The following DSG2 variants were observed in gnomAD, a reference collection of about 807,000 sequenced individuals.
The protein encoded by DSG2 is desmoglein-2.
In DSG2, 45 loss-of-function variants were observed where a neutral mutation model predicts 75.6. The observed-to-expected ratio is 0.60, with a 90% CI of 0.47 to 0.76. DSG2 has a LOEUF of 0.76. Ranked by LOEUF, DSG2 falls within the 30% of genes least tolerant of loss-of-function variation. The probability of loss-of-function intolerance (pLI) is 0.00; values close to 1 mark genes in which losing one functional copy is unlikely to be tolerated. For missense variants in DSG2, 1,267 were observed against 1,357.4 expected (o/e 0.93, Z 1.05); for synonymous variants, 429 against 483.9 (o/e 0.89, Z 1.49).
chr18:31,545,989 A>G lies in DSG2; in HGVS notation c.2603A>G (p.His868Arg). The change falls in exon 15 of 15, where the codon CAT becomes CGT. Residue 868 changes from histidine (H) to arginine (R), a missense_variant. His to Arg is a conservative substitution (Grantham distance 29, BLOSUM62 0). Coordinates refer to ENST00000261590, the MANE Select transcript of DSG2 (RefSeq NM_001943.5). The part of the protein sequence containing the change: ...ATETSMNTAS[H>R]SLCEQTMVNS... ...GAAACAAGTATGAACACAGCTTCACATTCACTCTGTGAGCAAACTATGGTT... is the reference window on the plus strand; with the variant it reads ...GAAACAAGTATGAACACAGCTTCACGTTCACTCTGTGAGCAAACTATGGTT... 1 of 1,614,212 alleles carries G rather than the reference A, an allele frequency of 6.2e-7. No individual in the cohort carries two copies. Among genetic ancestry groups the G allele is most frequent in the Non-Finnish European group, 8.5e-7 (1 of 1,180,042 alleles).
At position 31,530,503 on chromosome 18, in the gene DSG2, A is replaced by T. The variant is rs147089429; in HGVS notation, c.1015-484A>T. ...CATGATCATGGCTCACTGCAGCCTC[A>T]ACCCTCTGGGCTCAAGCAATCCTCC... On this transcript the variant is annotated intron_variant, in intron 8 of 14. Transcript: ENST00000261590. 5.5e-3 allele frequency among the ~76,000 whole-genome samples: 834 copies of T among 152,164 alleles called. 5 individuals are homozygous for T. The highest frequency in any genetic ancestry group is 7.8e-3 in the Non-Finnish European group (529 of 67,992).
In DSG2 at chr18:31,524,830, G is replaced by A. The variant is rs1393540525; in HGVS notation, c.956G>A (p.Gly319Asp). 6.2e-7 allele frequency: 1 copy of A among 1,614,142 alleles called. No homozygotes were observed. Among genetic ancestry groups the A allele is most frequent in the Admixed American group, 1.7e-5 (1 of 60,014 alleles). Residue 319 changes from glycine to aspartate, a missense_variant, in exon 8 of 15, where the codon GGT (glycine) becomes GAT (aspartate). Physicochemically the swap from Gly to Asp is moderately conservative, Grantham distance 94. Transcript: ENST00000261590. ...NFTFASGNEG[G>D]YFHIETDAQT... ...ACATTTGCATCAGGAAATGAAGGAGGTTATTTCCACATAGAAACAGATGCT... is the reference window on the plus strand; with the variant it reads ...ACATTTGCATCAGGAAATGAAGGAGATTATTTCCACATAGAAACAGATGCT...
intron 8 of DSG2, among the ~76,000 whole-genome samples, chr18:31,527,637 G>T (rs952802918): frequency 6.6e-6 from 1 of 152,188 alleles, no homozygotes; most frequent in Non-Finnish European, 1.5e-5. Flanking sequence ...ACGTGAAAAG[G>T]TGCCAACATC....
At position 31,541,287 on chromosome 18, in the gene DSG2, T is replaced by C. The variant is rs778751829; in HGVS notation, c.1974T>C (p.Asn658=). 9 of 1,614,146 alleles carry C rather than the reference T, an allele frequency of 5.6e-6. No individual in the cohort carries two copies. The highest frequency in any genetic ancestry group is 7.6e-6 in the Non-Finnish European group (9 of 1,179,988). Residue 658 remains asparagine (N), a synonymous_variant, in exon 13 of 15, where the codon AAT becomes AAC. Coordinates refer to ENST00000261590, the MANE Select transcript of DSG2 (RefSeq NM_001943.5). ...CCATAGAGATGCTGCATCCTTGGAA[T>C]AATGAAGGAGCACCACCTGAAGACA... The part of the protein sequence containing the change: ...PGTIEMLHPW[N]NEGAPPEDKV...
At chr18:31,537,388 G>A (rs577538921) in intron 11 of DSG2, among the ~76,000 whole-genome samples, 1 of 152,356 alleles carries the variant, frequency 6.6e-6, no homozygotes, top group African/African-American at 2.4e-5. Context: ...GGGAGGCCAA[G>A]GCAGGCGGAT....
At chr18:31,498,791 T>G (rs1335574503) in intron 1 of DSG2, among the ~76,000 whole-genome samples, 2 of 152,122 alleles carry the variant, frequency 1.3e-5, no homozygotes, top group African/African-American at 4.8e-5. Context: ...ATTCTTAGAG[T>G]GCAAAAAGTT....
At chr18:31,532,234 G>A (rs769083668) in intron 9 of DSG2, among the ~76,000 whole-genome samples, 1 of 152,174 alleles carries the variant, frequency 6.6e-6, no homozygotes, top group Non-Finnish European at 1.5e-5. Flanking sequence ...GAGTCTTGCT[G>A]TCTGCTTCCA....
chr18:31,504,638 G>C (rs986144037), intron 1 of DSG2, among the ~76,000 whole-genome samples: 3 of 152,162 alleles, frequency 2.0e-5, no homozygotes, highest in African/African-American at 7.2e-5. Flanking sequence ...GTGGCCAAGA[G>C]GGTGCTGCCC....
intron 1 of DSG2, among the ~76,000 whole-genome samples, chr18:31,514,483 A>G (rs1180977655): frequency 6.6e-6 from 1 of 152,236 alleles, no homozygotes; most frequent in East Asian, 1.9e-4. Flanking sequence ...AGATACTAGC[A>G]GTCAAGAGTA....
rs749797415 is a variant in DSG2, at chr18:31,535,287, A to G, written c.1298A>G (p.Asp433Gly). ...TATGACAGATATGTAAAATTAGAAG[A>G]TAGAGATAATTGGATCTCTGTGGAT... is the stretch of plus-strand genomic sequence containing the variant. ...PAHARYVKLEDRDNWISVDSV... is the reference protein window; with the variant it reads ...PAHARYVKLEGRDNWISVDSV... Residue 433 changes from aspartate (D) to glycine (G), a missense_variant, in exon 10 of 15, where the codon GAT becomes GGT. By Grantham distance (94) the Asp-to-Gly change is moderately conservative (BLOSUM62 -1). Coordinates refer to ENST00000261590, the MANE Select transcript of DSG2 (RefSeq NM_001943.5). 3.1e-6 allele frequency: 5 copies of G among 1,591,052 alleles called. No homozygotes were observed. The Admixed American group carries it at 8.4e-5, about 27-fold the overall frequency.
intron 1 of DSG2, among the ~76,000 whole-genome samples, chr18:31,501,464 A>T (rs958038435): frequency 6.6e-6 from 1 of 152,214 alleles, no homozygotes; most frequent in African/African-American, 2.4e-5. Flanking sequence ...AAAATGTATG[A>T]TCTCACAGTT....
In DSG2 at chr18:31,546,389, T is replaced by C. The variant is rs751143703; in HGVS notation, c.3003T>C (p.Pro1001=). ...VIQPHGGGSN[P]LEGTQHLQDV... ...AGCCTCATGGGGGTGGATCGAATCC[T>C]CTGGAAGGCACTCAGCATCTTCAAG... The change falls in exon 15 of 15, where the codon CCT becomes CCC. Residue 1001 remains proline (P), a synonymous_variant. Transcript: ENST00000261590. 2 of 1,614,132 alleles carry C rather than the reference T, an allele frequency of 1.2e-6. No individual in the cohort carries two copies. Among genetic ancestry groups the C allele is most frequent in the Non-Finnish European group, 1.7e-6 (2 of 1,180,006 alleles).
At chr18:31,523,746 C>T (rs2144320787) in intron 6 of DSG2, among the ~76,000 whole-genome samples, 1 of 152,302 alleles carries the variant, frequency 6.6e-6, no homozygotes, top group Admixed American at 6.5e-5. Context: ...CCTCATCTTA[C>T]ACATAAAGAA....
intron 1 of DSG2, among the ~76,000 whole-genome samples, chr18:31,511,914 G>A (rs2073069355): frequency 6.6e-6 from 1 of 152,116 alleles, no homozygotes; most frequent in South Asian, 2.1e-4. Flanking sequence ...CCAATTCACA[G>A]CAGATTAGCC....
chr18:31,535,755 G>A (rs1308585344), intron 10 of DSG2, among the ~76,000 whole-genome samples: 1 of 149,594 alleles, frequency 6.7e-6, no homozygotes, highest in Non-Finnish European at 1.5e-5. Flanking sequence ...CAGACAAAGG[G>A]AGACTCCAAC....
At chr18:31,539,907 T>C (rs1438876783) in intron 12 of DSG2, among the ~76,000 whole-genome samples, 1 of 152,136 alleles carries the variant, frequency 6.6e-6, no homozygotes, top group African/African-American at 2.4e-5. Flanking sequence ...CATTCGATTC[T>C]TATAGGAGCT....
chr18:31,517,520 T>C (rs1045306995), intron 1 of DSG2, among the ~76,000 whole-genome samples: 3 of 152,234 alleles, frequency 2.0e-5, no homozygotes, highest in Admixed American at 2.0e-4. Context: ...TTACAAATTA[T>C]ATGAATGTAT....
Position 31,547,467 on chromosome 18 carries a change from A to G in DSG2, c.*724A>G. 1 of 152,642 alleles carries G rather than the reference A, an allele frequency of 6.6e-6. No homozygotes were observed. The highest frequency in any genetic ancestry group is 1.5e-5 in the Non-Finnish European group (1 of 68,350). The allele number at this position is 152,642 out of a possible 1,614,324, so 9.5% of individuals were successfully genotyped here. On this transcript the variant is annotated 3_prime_UTR_variant, in exon 15 of 15. Coordinates refer to ENST00000261590, the MANE Select transcript of DSG2 (RefSeq NM_001943.5). ...CGAGGCGGGTGGATCAACTGTGGTC[A>G]GGAGTTTGAGATCAGCCAGGCCAAC...
chr18:31,536,128 C>A, intron 10 of DSG2, 74 bp from the exon 11 acceptor site: 1 of 1,443,484 alleles, frequency 6.9e-7, no homozygotes, highest in Non-Finnish European at 9.6e-7. Flanking sequence ...TCCAAATTGG[C>A]AAGGGAATTC....
Sources: allele counts gnomAD v4.1 joint callset (sites outside exome capture counted in the v4.1 genomes callset), GRCh38; gene constraint gnomAD v4.1.1; transcripts MANE v1.5; gene names NCBI Gene and HGNC (gene_info 2026-07-23, HGNC 2026-07-21).